Variants in MTR observed in about 807,000 individuals in gnomAD.
MTR encodes the protein methionine synthase.
In MTR, 84 loss-of-function variants were observed where a neutral mutation model predicts 154.8. The ratio of observed to expected loss-of-function variants is 0.54; its 90% confidence interval spans 0.45 to 0.65. The LOEUF (loss-of-function observed/expected upper bound fraction) is 0.65. MTR is among the 30% of genes least tolerant of loss of function. The probability of loss-of-function intolerance (pLI) is 0.00; values close to 1 mark genes in which losing one functional copy is unlikely to be tolerated. For missense variants in MTR, 1,275 were observed against 1,570.2 expected (o/e 0.81, Z 3.18); for synonymous variants, 554 against 553.9 (o/e 1.00, Z 0.00).
intron 1 of MTR, among the ~76,000 whole-genome samples, chr1:236,802,517 G>A (rs80326214): frequency 6.6e-6 from 1 of 152,004 alleles, no homozygotes; most frequent in Non-Finnish European, 1.5e-5. Context: ...GTCATCATGC[G>A]CTTTTCCTTA....
rs1444614416 is a variant in MTR, at chr1:236,803,643, G to A, written c.249+1G>A. On this transcript the variant is annotated splice_donor_variant, in intron 2 of 32. Coordinates refer to ENST00000366577, the MANE Select transcript of MTR (RefSeq NM_000254.3). LOFTEE classifies it high-confidence loss of function. ...TGATGTCATTTACCAAATCCATAAG[G>A]TAAAGTATTCCCAGGTTCCCATGTG... 1 of 1,612,998 alleles carries A rather than the reference G, an allele frequency of 6.2e-7. No homozygotes were observed. Among genetic ancestry groups the A allele is most frequent in the Non-Finnish European group, 8.5e-7 (1 of 1,179,240 alleles).
Position 236,803,625 on chromosome 1 carries a change from A to C in MTR, c.232A>C (p.Ile78Leu). 6.2e-7 allele frequency: 1 copy of C among 1,614,048 alleles called. No individual in the cohort carries two copies. Among genetic ancestry groups the C allele is most frequent in the African/African-American group, 1.3e-5 (1 of 75,060 alleles). ...DILSITQPDV[I>L]YQIHKEYLLA... ...TTTAAGTATAACTCAGCCTGATGTC[A>C]TTTACCAAATCCATAAGGTAAAGTA... Residue 78 changes from isoleucine (I) to leucine (L), a missense_variant, in exon 2 of 33, where the codon ATT (isoleucine) becomes CTT (leucine). Ile to Leu is a conservative substitution (Grantham distance 5, BLOSUM62 2). Transcript: ENST00000366577.
intron 23 of MTR, among the ~76,000 whole-genome samples, chr1:236,874,248 T>C (rs1467285771): frequency 6.6e-6 from 1 of 152,116 alleles, no homozygotes; most frequent in Non-Finnish European, 1.5e-5. Flanking sequence ...AAACAATAGA[T>C]TGAAATTCCC....
chr1:236,845,925 A>G (rs1247702984), intron 15 of MTR, among the ~76,000 whole-genome samples: 2 of 152,176 alleles, frequency 1.3e-5, no homozygotes, highest in Admixed American at 6.5e-5. Flanking sequence ...GATTGACACC[A>G]CTGATTATAG....
intron 18 of MTR, among the ~76,000 whole-genome samples, chr1:236,856,930 A>T (rs1664245152): frequency 1.3e-5 from 2 of 152,210 alleles, no homozygotes; most frequent in South Asian, 4.2e-4. Flanking sequence ...CCAGTCTATC[A>T]TTGATGGGTA....
Position 236,838,658 on chromosome 1 carries a change from A to G in MTR, c.1515+59A>G, listed in dbSNP as rs970294264. ...TTCCCAGGTTAGATAGTGGTGGGAG[A>G]AAATGCAAGTCTGAAACAGCTACAT... On this transcript the variant is annotated intron_variant, in intron 15 of 32. Coordinates refer to ENST00000366577, the MANE Select transcript of MTR (RefSeq NM_000254.3). 3.3e-5 allele frequency: 53 copies of G among 1,592,994 alleles called. No homozygotes were observed. The African/African-American group carries it at 7.0e-4, about 21-fold the overall frequency.
At position 236,894,598 on chromosome 1, in the gene MTR, C is replaced by T. The variant is rs777604382; in HGVS notation, c.3405+41C>T. The T allele has an allele frequency of 8.7e-6, 14 of 1,609,270 alleles. No individual in the cohort carries two copies. In the Admixed American group the frequency reaches 2.3e-4, roughly 27 times the overall value. On this transcript the variant is annotated intron_variant, in intron 30 of 32. Transcript: ENST00000366577. ...TGCGCCGAGGGGCTGAGGACAGAGG[C>T]CAGGCAGTAGGGAGCCTGGGGTGGG...
chr1:236,896,896 A>T, intron 31 of MTR, 110 bp from the exon 32 acceptor site: 1 of 817,048 alleles, frequency 1.2e-6, no homozygotes, highest in Non-Finnish European at 2.2e-6. Context: ...AGAAGGCATG[A>T]GCTCGCTTTG....
intron 22 of MTR, among the ~76,000 whole-genome samples, chr1:236,871,972 G>A (rs1665160343): frequency 6.6e-6 from 1 of 152,062 alleles, no homozygotes; most frequent in Non-Finnish European, 1.5e-5. Context: ...AGTATGTCAT[G>A]TTGTAGTCTT....
intron 22 of MTR, among the ~76,000 whole-genome samples, chr1:236,866,996 G>A (rs1242716780): frequency 2.0e-5 from 3 of 152,212 alleles, no homozygotes; most frequent in South Asian, 2.1e-4. Context: ...AAGGTGAAGT[G>A]CAGGTGCTGA....
At chr1:236,863,640 G>A in intron 22 of MTR, 86 bp downstream of exon 22, 2 of 1,198,296 alleles carry the variant, frequency 1.7e-6, no homozygotes, top group Non-Finnish European at 2.5e-6. Context: ...TGGGTGGGAA[G>A]AGTAGGGCAT....
chr1:236,820,590 A>T, intron 8 of MTR: 1 of 529,554 alleles, frequency 1.9e-6, no homozygotes, highest in Non-Finnish European at 3.3e-6. Flanking sequence ...AGTTTCTTAA[A>T]AAAAAAAAAA....
chr1:236,888,949 T>G (rs796842007), intron 27 of MTR, among the ~76,000 whole-genome samples: 10 of 152,340 alleles, frequency 6.6e-5, no homozygotes, highest in African/African-American at 2.4e-4. Flanking sequence ...GGGAACAGTT[T>G]CCAAGGGTGG....
chr1:236,795,638 C>G lies in MTR; in HGVS notation c.-66C>G. On this transcript the variant is annotated 5_prime_UTR_variant, in exon 1 of 33. Transcript: ENST00000366577. ...GGCGCTGGCTGGCGTGGCCCTTGGCCGTCGTCACCTGTGGAGAGCACGTCT... is the reference window on the plus strand; with the variant it reads ...GGCGCTGGCTGGCGTGGCCCTTGGCGGTCGTCACCTGTGGAGAGCACGTCT... 6.2e-7 allele frequency: 1 copy of G among 1,609,576 alleles called. No individual in the cohort carries two copies. The highest frequency in any genetic ancestry group is 1.1e-5 in the South Asian group (1 of 90,950).
At chr1:236,850,814 A>G (rs1663856486) in intron 16 of MTR, among the ~76,000 whole-genome samples, 1 of 152,180 alleles carries the variant, frequency 6.6e-6, no homozygotes, top group African/African-American at 2.4e-5. Context: ...CCTGGGCGAC[A>G]GAGTGAGGCC....
In MTR at chr1:236,902,695, T is replaced by A. The variant is rs886246021; in HGVS notation, c.*5051T>A. On this transcript the variant is annotated 3_prime_UTR_variant, in exon 33 of 33. Coordinates refer to ENST00000366577, the MANE Select transcript of MTR (RefSeq NM_000254.3). ...TGAGTTCGGGGCGGGGGGAGCATGA[T>A]GGTTTTCTCTCTCTCAGAAAGAAAG... 6.6e-6 allele frequency: 1 copy of A among 152,204 alleles called. No individual in the cohort carries two copies. Among genetic ancestry groups the A allele is most frequent in the African/African-American group, 2.4e-5 (1 of 41,438 alleles). The allele number at this position is 152,204 out of a possible 1,614,324, so 9.4% of individuals were successfully genotyped here. A position where few individuals can be genotyped will look rare whatever the true frequency, so the allele number is the denominator to read the frequency against.
chr1:236,842,798 A>G (rs1663336195), intron 15 of MTR, among the ~76,000 whole-genome samples: 1 of 149,810 alleles, frequency 6.7e-6, no homozygotes, highest in Non-Finnish European at 1.5e-5. Context: ...ATATATATAT[A>G]TAATTGGCCA....
At chr1:236,831,098 C>T (rs1049452844) in intron 12 of MTR, among the ~76,000 whole-genome samples, 1 of 152,136 alleles carries the variant, frequency 6.6e-6, no homozygotes, top group Non-Finnish European at 1.5e-5. Context: ...GGAAGTTGCC[C>T]CAAGGTTGTT....
chr1:236,842,058 A>AT (rs1332153707), intron 15 of MTR, among the ~76,000 whole-genome samples: 1 of 151,768 alleles, frequency 6.6e-6, no homozygotes, highest in Non-Finnish European at 1.5e-5. Flanking sequence ...TACTCGGCTA[A>AT]TTTTTTGTAT....
Sources: gnomAD v4.1 joint callset for allele counts (sites outside exome capture counted in the v4.1 genomes callset) on GRCh38, gnomAD v4.1.1 for gene constraint, MANE v1.5 for transcripts, NCBI Gene and HGNC (gene_info 2026-07-23, HGNC 2026-07-21) for gene names.